Variants in LZTS1 observed in about 807,000 individuals in gnomAD.
LZTS1 encodes the protein leucine zipper tumor suppressor 1.
A neutral mutation model predicts 45.8 loss-of-function variants in LZTS1; 31 were observed. The ratio of observed to expected loss-of-function variants is 0.68; its 90% CI spans 0.51 to 0.91. LZTS1 has a LOEUF of 0.91. Ranked by LOEUF, LZTS1 falls within the 40% of genes least tolerant of loss-of-function variation. The pLI is 0.00. For synonymous variants in LZTS1, 359 were observed against 357.3 expected, an observed-to-expected ratio of 1.00 and a Z score of -0.05; for missense variants, 821 against 788.9, an observed-to-expected ratio of 1.04 and a Z score of -0.49.
Position 20,249,588 on chromosome 8 carries a change from C to T in LZTS1, c.*134G>A. 2.6e-6 allele frequency: 3 copies of T among 1,134,752 alleles called. No individual in the cohort carries two copies. Among genetic ancestry groups the T allele is most frequent in the Non-Finnish European group, 3.7e-6 (3 of 817,578 alleles). The allele number at this position is 1,134,752 out of a possible 1,614,324, so 70.3% of individuals were successfully genotyped here. A position where few individuals can be genotyped will look rare whatever the true frequency, so the allele number is the denominator to read the frequency against. ...GGAAGGAAAGGCCATCCTGCCCTCC[C>T]CTCGGGGGTCCTGGGTCTGTGTCCC... On this transcript the variant is annotated 3_prime_UTR_variant, in exon 4 of 4. Transcript: ENST00000381569.
At position 20,252,929 on chromosome 8, in the gene LZTS1, C is replaced by T. The variant is rs757398840; in HGVS notation, c.1002G>A (p.Gln334=). 1.6e-5 allele frequency: 26 copies of T among 1,607,128 alleles called. No individual in the cohort carries two copies. Among genetic ancestry groups the T allele is most frequent in the Non-Finnish European group, 2.2e-5 (26 of 1,177,934 alleles). ...GCTTCTCCTGCTGAAGCTGCAGTAC[C>T]TGCAGGTGCAGGACCTGCTGCGCGC... ...SQRAQQVLHL[Q]VLQLQQEKRQ... is the part of the protein sequence containing the mutation. The change falls in exon 3 of 4, where the codon CAG becomes CAA. Residue 334 remains glutamine, a synonymous_variant. Transcript: ENST00000381569.
chr8:20,250,370 AG>A lies in LZTS1; in HGVS notation c.1150-8del, dbSNP rs1413498121. On this transcript the variant is annotated splice_polypyrimidine_tract_variant and splice_region_variant and intron_variant, in intron 3 of 3. Coordinates refer to ENST00000381569, the MANE Select transcript of LZTS1 (RefSeq NM_021020.5). The stretch of plus-strand genomic sequence containing the variant: ...CGCCTGACTTCTGGCACACCTGCCG[AG>A]GGTGGGGTGGAGACAGAGTGCCAAG... 1 of 1,586,824 alleles carries A rather than the reference AG, an allele frequency of 6.3e-7. No homozygotes were observed. Among genetic ancestry groups the A allele is most frequent in the South Asian group, 1.1e-5 (1 of 87,230 alleles).
chr8:20,278,767 G>T (rs2128896932), intron 1 of LZTS1, among the ~76,000 whole-genome samples: 1 of 152,288 alleles, frequency 6.6e-6, no homozygotes, highest in Non-Finnish European at 1.5e-5. Context: ...TTCTCTCCTA[G>T]CTCAAATAGA....
intron 1 of LZTS1, among the ~76,000 whole-genome samples, chr8:20,275,143 T>C (rs911619184): frequency 6.6e-6 from 1 of 152,192 alleles, no homozygotes; most frequent in African/African-American, 2.4e-5. Context: ...GGCTCAAGCC[T>C]GTAATCCCAG....
In LZTS1 at chr8:20,253,590, AGAG is replaced by A; in HGVS notation, c.346-8_346-6del. The A allele has an allele frequency of 1.1e-5, 16 of 1,446,012 alleles. No homozygotes were observed. The highest frequency in any genetic ancestry group is 1.5e-5 in the Non-Finnish European group (16 of 1,101,966). 89.6% of individuals were successfully genotyped at this position (1,446,012 alleles called of 1,614,324 possible). ...CACTGCACCCTTCTCGGAGCCCTGT[AGAG>A]GAAAAGGACCGCGGTGACTCATGCC... is the stretch of plus-strand genomic sequence containing the variant. On this transcript the variant is annotated splice_polypyrimidine_tract_variant and splice_region_variant and intron_variant, in intron 2 of 3. Coordinates refer to ENST00000381569, the MANE Select transcript of LZTS1 (RefSeq NM_021020.5).
At chr8:20,300,017 TCC>T (rs1364226976) in intron 1 of LZTS1, among the ~76,000 whole-genome samples, 1 of 152,192 alleles carries the variant, frequency 6.6e-6, no homozygotes, top group Non-Finnish European at 1.5e-5. Context: ...CCTAGAATGG[TCC>T]CCTTCCATAA....
chr8:20,252,518 G>T (rs534827764), intron 3 of LZTS1, among the ~76,000 whole-genome samples: 1 of 152,198 alleles, frequency 6.6e-6, no homozygotes, highest in Non-Finnish European at 1.5e-5. Context: ...TCTGGCTTCC[G>T]GCTTCATGAT....
At chr8:20,252,408 C>A (rs1254102784) in intron 3 of LZTS1, among the ~76,000 whole-genome samples, 2 of 152,220 alleles carry the variant, frequency 1.3e-5, no homozygotes, top group Non-Finnish European at 2.9e-5. Flanking sequence ...CTCTTGGGCC[C>A]CTGGCCCCGC....
At chr8:20,270,988 C>T (rs970581023) in intron 1 of LZTS1, among the ~76,000 whole-genome samples, 4 of 152,054 alleles carry the variant, frequency 2.6e-5, no homozygotes, top group African/African-American at 9.7e-5. Flanking sequence ...CCTGGCGTGG[C>T]ACGAAGAGTT....
intron 1 of LZTS1, among the ~76,000 whole-genome samples, chr8:20,275,217 C>CT (rs1334910247): frequency 1.3e-5 from 2 of 152,042 alleles, no homozygotes; most frequent in African/African-American, 4.8e-5. Flanking sequence ...GCCTGGCCAA[C>CT]ATGGTGAAAC....
At chr8:20,273,147 C>T (rs925061795) in intron 1 of LZTS1, among the ~76,000 whole-genome samples, 2 of 152,178 alleles carry the variant, frequency 1.3e-5, no homozygotes, top group African/African-American at 4.8e-5. Flanking sequence ...CTTGACCTCT[C>T]GGCGGCTCTG....
At chr8:20,273,135 A>G (rs1585292408) in intron 1 of LZTS1, among the ~76,000 whole-genome samples, 2 of 151,966 alleles carry the variant, frequency 1.3e-5, no homozygotes, top group Middle Eastern at 6.8e-3. Context: ...ATAGTTAGCA[A>G]ACTTGACCTC....
At chr8:20,278,948 C>G (rs56256118) in intron 1 of LZTS1, among the ~76,000 whole-genome samples, 27,340 of 152,152 alleles carry the variant, frequency 0.18, 2,720 homozygotes, top group Middle Eastern at 0.32. Context: ...GGTCCCAACC[C>G]CAATTGCCAG....
At chr8:20,279,248 CT>C (rs1465407327) in intron 1 of LZTS1, among the ~76,000 whole-genome samples, 1 of 152,184 alleles carries the variant, frequency 6.6e-6, no homozygotes, top group Non-Finnish European at 1.5e-5. Context: ...GTAACCTGTT[CT>C]TTATCTGTCT....
intron 1 of LZTS1, among the ~76,000 whole-genome samples, chr8:20,288,095 G>T (rs542122367): frequency 6.6e-6 from 1 of 151,936 alleles, no homozygotes; most frequent in African/African-American, 2.4e-5. Flanking sequence ...CTCCTGCTCC[G>T]TCTCAGCCTC....
intron 1 of LZTS1, among the ~76,000 whole-genome samples, chr8:20,292,251 TC>T (rs1800912292): frequency 1.3e-5 from 2 of 152,208 alleles, no homozygotes; most frequent in African/African-American, 4.8e-5. Context: ...TTGAGGGATG[TC>T]CCACCTCTTC....
In LZTS1 at chr8:20,250,196, G is replaced by A. The variant is rs1414839160; in HGVS notation, c.1317C>T (p.Ala439=). 3.1e-6 allele frequency: 5 copies of A among 1,610,420 alleles called. No homozygotes were observed. Among genetic ancestry groups the A allele is most frequent in the Non-Finnish European group, 3.4e-6 (4 of 1,179,350 alleles). ...CCAGCTCCAGGCCCTTGGTGCGCAG[G>A]GCGCCCTCCAGGTCCTGGGTCCTCA... ...LELRTQDLEG[A]LRTKGLELEV... Residue 439 remains alanine, a synonymous_variant, in exon 4 of 4, where the codon GCC becomes GCT. Coordinates refer to ENST00000381569, the MANE Select transcript of LZTS1 (RefSeq NM_021020.5).
intron 1 of LZTS1, chr8:20,290,541 G>C (rs1201404983): frequency 1.3e-5 from 2 of 152,186 alleles, no homozygotes; most frequent in East Asian, 3.9e-4. Context: ...CTTCTTCTCA[G>C]CCCACCCAGG....
rs567526014 is a variant in LZTS1, at chr8:20,282,045, T to C, written c.-135+21695A>G. ...GATGTTAGGACCTGAACTTCTCCTC[T>C]GAGTACTGCAATCCCACCACCAAGC... is the stretch of plus-strand genomic sequence containing the variant. On this transcript the variant is annotated intron_variant, in intron 1 of 3. Coordinates refer to ENST00000381569, the MANE Select transcript of LZTS1 (RefSeq NM_021020.5). 5.4e-3 allele frequency among the ~76,000 whole-genome samples: 818 copies of C among 152,294 alleles called. 6 individuals carry two copies. Among genetic ancestry groups the C allele is most frequent in the Non-Finnish European group, 8.3e-3 (563 of 68,032 alleles).
Sources: allele counts gnomAD v4.1 joint callset (sites outside exome capture counted in the v4.1 genomes callset), GRCh38; gene constraint gnomAD v4.1.1; transcripts MANE v1.5; gene names NCBI Gene and HGNC (gene_info 2026-07-23, HGNC 2026-07-21).